Variants in MTTP observed in about 807,000 individuals in gnomAD.
MTTP encodes microsomal triglyceride transfer protein.
Under a neutral mutation model 90.6 loss-of-function variants are expected in MTTP, and 49 were observed. The observed-to-expected ratio is 0.54, with a 90% confidence interval of 0.43 to 0.69. MTTP has a LOEUF of 0.69. MTTP is among the 30% of genes least tolerant of loss of function. The probability of loss-of-function intolerance (pLI) is 0.00; values close to 1 mark genes in which losing one functional copy is unlikely to be tolerated. For synonymous variants in MTTP, 347 were observed against 384.2 expected, an observed-to-expected ratio of 0.90 and a Z score of 1.13; for missense variants, 945 against 1,067.5, an observed-to-expected ratio of 0.89 and a Z score of 1.60.
At chr4:99,576,532 A>G (rs1018769630) in intron 1 of MTTP, among the ~76,000 whole-genome samples, 2 of 151,194 alleles carry the variant, frequency 1.3e-5, no homozygotes, top group Admixed American at 1.3e-4. Context: ...CGTCTCTACT[A>G]AAAATACAAA....
At chr4:99,600,770 T>C (rs1233453561) in intron 9 of MTTP, 37 bp downstream of exon 9, 11 of 1,589,784 alleles carry the variant, frequency 6.9e-6, no homozygotes, top group South Asian at 1.1e-5. Context: ...TCAACTCCTA[T>C]AAAACTTCTT....
rs1412329624 is a variant in MTTP at position 99,600,680 on chromosome 4, T to C, written c.1183T>C (p.Tyr395His). 1.2e-6 allele frequency: 2 copies of C among 1,613,872 alleles called. No homozygotes were observed. The highest frequency in any genetic ancestry group is 1.7e-5 in the Admixed American group (1 of 59,992). Residue 395 changes from tyrosine (Y) to histidine (H), a missense_variant, in exon 9 of 18, where the codon TAT becomes CAT. Transcript: ENST00000265517. ...CATTATCCTCCAGGAGAGGTTTCTCTATGCCTGTGGATTTGCTTCTCATCC... is the reference window on the plus strand; with the variant it reads ...CATTATCCTCCAGGAGAGGTTTCTCCATGCCTGTGGATTTGCTTCTCATCC... ...SSIILQERFL[Y>H]ACGFASHPNE...
intron 3 of MTTP, among the ~76,000 whole-genome samples, chr4:99,589,292 A>G (rs1725354787): frequency 6.6e-6 from 1 of 151,672 alleles, no homozygotes; most frequent in Non-Finnish European, 1.5e-5. Context: ...TGTTTCAAGT[A>G]CAGTTACAGG....
chr4:99,578,068 C>T (rs1725011755), intron 1 of MTTP, among the ~76,000 whole-genome samples: 1 of 152,132 alleles, frequency 6.6e-6, no homozygotes, highest in Non-Finnish European at 1.5e-5. Flanking sequence ...CTGCATGTCT[C>T]TTCAAACCTC....
chr4:99,620,357 T>C (rs1285907753), intron 16 of MTTP, among the ~76,000 whole-genome samples: 1 of 152,228 alleles, frequency 6.6e-6, no homozygotes, highest in Non-Finnish European at 1.5e-5. Flanking sequence ...ACAATTCAAT[T>C]ACAGTAGAAG....
intron 16 of MTTP, chr4:99,620,746 C>T: frequency 6.5e-6 from 2 of 309,982 alleles, no homozygotes; most frequent in Non-Finnish European, 6.1e-6. Context: ...GACTGGGTTC[C>T]AAGAATGTTT....
At chr4:99,591,085 C>A in intron 4 of MTTP, 150 bp from the exon 5 acceptor site, 1 of 684,480 alleles carries the variant, frequency 1.5e-6, no homozygotes, top group Non-Finnish European at 2.6e-6. Flanking sequence ...CTACCAGAAA[C>A]CTTGTTCTTG....
intron 11 of MTTP, 125 bp downstream of exon 11, chr4:99,607,085 T>G: frequency 1.2e-6 from 1 of 811,128 alleles, no homozygotes. Flanking sequence ...CTCTCCTGCT[T>G]AAAAATAACT....
At chr4:99,594,499 G>A (rs1725501864) in intron 6 of MTTP, among the ~76,000 whole-genome samples, 1 of 152,078 alleles carries the variant, frequency 6.6e-6, no homozygotes, top group South Asian at 2.1e-4. Context: ...GTATACTGTT[G>A]AAATAATATT....
intron 8 of MTTP, among the ~76,000 whole-genome samples, chr4:99,599,098 T>G (rs1208364310): frequency 6.6e-6 from 1 of 152,188 alleles, no homozygotes; most frequent in African/African-American, 2.4e-5. Flanking sequence ...AAAGCCTATA[T>G]GTTGTATCCT....
chr4:99,583,077 A>G (rs544122859), intron 2 of MTTP, among the ~76,000 whole-genome samples: 24 of 152,172 alleles, frequency 1.6e-4, no homozygotes, highest in Non-Finnish European at 2.8e-4. Flanking sequence ...ACCACAAAAA[A>G]CAAATGAAGA....
upstream of MTTP, among the ~76,000 whole-genome samples, chr4:99,570,121 G>A (rs1387037924): frequency 6.6e-6 from 1 of 151,272 alleles, no homozygotes; most frequent in African/African-American, 2.4e-5. Context: ...ATCCCTTCTT[G>A]CATCTCAGAT....
chr4:99,597,404 C>T (rs1263213057), intron 8 of MTTP, among the ~76,000 whole-genome samples, 180 bp downstream of exon 8: 2 of 152,034 alleles, frequency 1.3e-5, no homozygotes, highest in African/African-American at 2.4e-5. Flanking sequence ...GTCACTTGAC[C>T]AGAAATACAA....
Position 99,597,084 on chromosome 4 carries a change from G to A in MTTP, c.927G>A (p.Arg309=), listed in dbSNP as rs1001965936. The change falls in exon 8 of 18, where the codon CGG becomes CGA. Residue 309 remains arginine (R), a synonymous_variant. Transcript: ENST00000265517. ...TTTTGCAGCTCTCGGAGCTCTGGCGGTCCACCAGGAAATACCTGCAGCCTG... is the reference window on the plus strand; with the variant it reads ...TTTTGCAGCTCTCGGAGCTCTGGCGATCCACCAGGAAATACCTGCAGCCTG... ...KGCPSLSELW[R]STRKYLQPDN... 6.2e-7 allele frequency: 1 copy of A among 1,613,938 alleles called. No homozygotes were observed. Among genetic ancestry groups the A allele is most frequent in the East Asian group, 2.2e-5 (1 of 44,866 alleles).
intron 1 of MTTP, among the ~76,000 whole-genome samples, chr4:99,568,345 T>C (rs1724754957): frequency 1.3e-5 from 2 of 152,160 alleles, no homozygotes; most frequent in African/African-American, 4.8e-5. Context: ...CAAAAGTCAA[T>C]TGCCTTCCTA....
chr4:99,574,736 T>A (rs1175601187), upstream of MTTP: 4 of 1,437,746 alleles, frequency 2.8e-6, no homozygotes, highest in Non-Finnish European at 3.8e-6. Flanking sequence ...TAGTGAGCCC[T>A]TCAGTGAACT....
chr4:99,616,248 G>C (rs1200359267), intron 15 of MTTP, among the ~76,000 whole-genome samples: 1 of 152,130 alleles, frequency 6.6e-6, no homozygotes, highest in African/African-American at 2.4e-5. Context: ...AAAAAAATTA[G>C]CTGGGCATAG....
chr4:99,600,069 A>C (rs1292586433), intron 8 of MTTP, among the ~76,000 whole-genome samples: 1 of 152,184 alleles, frequency 6.6e-6, no homozygotes, highest in Non-Finnish European at 1.5e-5. Flanking sequence ...TATTTTTAAA[A>C]AGAGGAAAAC....
intron 10 of MTTP, among the ~76,000 whole-genome samples, chr4:99,604,224 G>A (rs1358721828): frequency 6.6e-6 from 1 of 152,146 alleles, no homozygotes; most frequent in Non-Finnish European, 1.5e-5. Context: ...CTATATGCAT[G>A]CTGTGTAAAA....
Sources: allele counts gnomAD v4.1 joint callset (sites outside exome capture counted in the v4.1 genomes callset), GRCh38; gene constraint gnomAD v4.1.1; transcripts MANE v1.5; gene names NCBI Gene and HGNC (gene_info 2026-07-23, HGNC 2026-07-21).